Variants in ANKS1B observed in about 807,000 individuals in gnomAD.
ANKS1B encodes ankyrin repeat and sterile alpha motif domain-containing protein 1B.
A neutral mutation model predicts 148.3 loss-of-function variants in ANKS1B; 36 were observed. The observed-to-expected ratio is 0.24, with a 90% CI of 0.19 to 0.32. ANKS1B has a LOEUF of 0.32. Ranked by LOEUF, ANKS1B falls within the 10% of genes least tolerant of loss-of-function variation. The probability of loss-of-function intolerance (pLI) is 1.00; values close to 1 mark genes in which losing one functional copy is unlikely to be tolerated. For missense variants in ANKS1B, 1,157 were observed against 1,542.6 expected (o/e 0.75, Z 4.19); for synonymous variants, 542 against 560.8 (o/e 0.97, Z 0.47).
At position 98,751,316 on chromosome 12, in the gene ANKS1B, T is replaced by C. The variant is rs1436719329; in HGVS notation, c.3747+39A>G. 3 of 1,603,354 alleles carry C rather than the reference T, an allele frequency of 1.9e-6. No homozygotes were observed. Among genetic ancestry groups the C allele is most frequent in the Non-Finnish European group, 2.6e-6 (3 of 1,174,708 alleles). On this transcript the variant is annotated intron_variant, in intron 26 of 26. Transcript: ENST00000683438. The surrounding 1 kb of genome is among the most constrained non-coding windows in gnomAD (Gnocchi z 4.3). ...TGGTTAGCAGCCCCTTTTCCTCCTG[T>C]TCAAGGTTTTTTAGAACATCTGTAT...
intron 9 of ANKS1B, among the ~76,000 whole-genome samples, chr12:98,736,893 A>G (rs2097776317): frequency 6.6e-6 from 1 of 152,194 alleles, no homozygotes; most frequent in Admixed American, 6.5e-5. Context: ...CATGCCAAGC[A>G]CTGTTTTAAG....
intron 8 of ANKS1B, among the ~76,000 whole-genome samples, chr12:99,658,165 G>C (rs995968652): frequency 3.3e-5 from 5 of 152,098 alleles, no homozygotes; most frequent in Admixed American, 3.3e-4. Context: ...TAGTGGTTAA[G>C]GGCTTGGGCT....
chr12:99,083,869 C>T (rs868522718), intron 16 of ANKS1B: 10 of 152,138 alleles, frequency 6.6e-5, no homozygotes, highest in African/African-American at 1.7e-4. Context: ...CGAGATCAGA[C>T]GAGATCGGGC....
chr12:99,272,570 A>C (rs2077167348), intron 12 of ANKS1B, among the ~76,000 whole-genome samples: 1 of 152,230 alleles, frequency 6.6e-6, no homozygotes. Context: ...CACTGTACAC[A>C]GGTATCAAAA....
At chr12:99,154,839 T>C in intron 14 of ANKS1B, 2 of 1,525,782 alleles carry the variant, frequency 1.3e-6, no homozygotes, top group Non-Finnish European at 1.8e-6. Context: ...TGCTCCTTGC[T>C]CCCCCTCGCT....
chr12:99,022,958 A>G (rs2099946678), intron 17 of ANKS1B, among the ~76,000 whole-genome samples: 1 of 152,214 alleles, frequency 6.6e-6, no homozygotes, highest in Admixed American at 6.5e-5. Context: ...TCAGATGTTC[A>G]TAGGCTTGTA....
At position 99,389,105 on chromosome 12, in the gene ANKS1B, T is replaced by G. The variant is rs533982850; in HGVS notation, c.1756+10526A>C. ...CACAGCCTTCTTAGAATCCTGCCAA[T>G]GACAGATTTGAAGAGTTGAGGTCAC... is the stretch of plus-strand genomic sequence containing the variant. On this transcript the variant is annotated intron_variant, in intron 12 of 26. Coordinates refer to ENST00000683438, the MANE Select transcript of ANKS1B (RefSeq NM_001352186.2). 8.5e-5 allele frequency among the ~76,000 whole-genome samples: 13 copies of G among 152,314 alleles called. No homozygotes were observed. In the South Asian group the frequency reaches 2.7e-3, roughly 32 times the overall value.
rs568137128 is a variant in ANKS1B at position 99,940,997 on chromosome 12, T to C, written c.134+43107A>G. ...ATATTATGTACGTAATTATTGAATG[T>C]CTCTCTTCCTCAATAGATGTCAAGT... On this transcript the variant is annotated intron_variant, in intron 1 of 26. Transcript: ENST00000683438. 2.8e-4 allele frequency among the ~76,000 whole-genome samples: 42 copies of C among 152,290 alleles called. No individual in the cohort carries two copies. In the South Asian group the frequency reaches 6.2e-3, roughly 23 times the overall value.
At position 99,565,004 on chromosome 12, in the gene ANKS1B, T is replaced by A. The variant is rs140468702; in HGVS notation, c.1273-60363A>T. Among the ~76,000 whole-genome samples, 341 of 152,302 alleles carry A rather than the reference T, an allele frequency of 2.2e-3. 2 individuals carry two copies. Among genetic ancestry groups the A allele is most frequent in the African/African-American group, 7.8e-3 (323 of 41,570 alleles). On this transcript the variant is annotated intron_variant, in intron 9 of 26. Coordinates refer to ENST00000683438, the MANE Select transcript of ANKS1B (RefSeq NM_001352186.2). Reference sequence around the variant, plus strand: ...AGTTGTTCATTCTGGAAAAATATATTTGGATACCCAATCAAGTTTCCTTAG... The same window carrying A: ...AGTTGTTCATTCTGGAAAAATATATATGGATACCCAATCAAGTTTCCTTAG...
At chr12:98,953,580 T>C (rs1159950778) in intron 17 of ANKS1B, among the ~76,000 whole-genome samples, 1 of 124,802 alleles carries the variant, frequency 8.0e-6, no homozygotes, top group East Asian at 2.7e-4. Flanking sequence ...AAGGATTACC[T>C]CTTTCTCTAG....
In ANKS1B at chr12:99,326,026, G is replaced by A. The variant is rs117412997; in HGVS notation, c.1756+73605C>T. ...GCATGAAGGAGAAGTGCTGAGTGAA[G>A]TGTGAAAAGAGTCCATTATTAAACC... is the stretch of plus-strand genomic sequence containing the variant. On this transcript the variant is annotated intron_variant, in intron 12 of 26. Coordinates refer to ENST00000683438, the MANE Select transcript of ANKS1B (RefSeq NM_001352186.2). Among the ~76,000 whole-genome samples the A allele has an allele frequency of 7.5e-3, 1,145 of 152,108 alleles. 5 individuals carry two copies. Among genetic ancestry groups the A allele is most frequent in the Non-Finnish European group, 9.7e-3 (660 of 67,970 alleles).
intron 19 of ANKS1B, among the ~76,000 whole-genome samples, chr12:98,822,598 T>C (rs1266404445): frequency 6.6e-6 from 1 of 152,204 alleles, no homozygotes; most frequent in African/African-American, 2.4e-5. Context: ...AACAGAATAT[T>C]TTCTATTGAT....
intron 17 of ANKS1B, among the ~76,000 whole-genome samples, chr12:98,969,685 T>A (rs1482483223): frequency 6.6e-6 from 1 of 152,212 alleles, no homozygotes; most frequent in East Asian, 1.9e-4. Context: ...GTAAACCTTC[T>A]GGGGCTGTAA....
At chr12:99,522,462 T>C (rs1273690256) in intron 9 of ANKS1B, among the ~76,000 whole-genome samples, 7 of 152,208 alleles carry the variant, frequency 4.6e-5, no homozygotes, top group Non-Finnish European at 1.0e-4. Context: ...GAGAACATTA[T>C]GCCCCCCAAG....
chr12:99,708,245 C>T lies in ANKS1B; in HGVS notation c.1129-53035G>A, dbSNP rs73143681. Among the ~76,000 whole-genome samples, 1,213 of 152,250 alleles carry T rather than the reference C, an allele frequency of 8.0e-3. 10 individuals are homozygous for T. Among genetic ancestry groups the T allele is most frequent in the Non-Finnish European group, 0.013 (858 of 67,986 alleles). ...AGAATACATCAGTATGGAAGTCTCT[C>T]TTTAATGACCCGATGTCATGAATGA... On this transcript the variant is annotated intron_variant, in intron 8 of 26. Coordinates refer to ENST00000683438, the MANE Select transcript of ANKS1B (RefSeq NM_001352186.2).
intron 15 of ANKS1B, among the ~76,000 whole-genome samples, chr12:99,153,149 T>C (rs1397017783): frequency 6.6e-6 from 1 of 152,138 alleles, no homozygotes; most frequent in Non-Finnish European, 1.5e-5. Context: ...ATACATACTT[T>C]TGGAGAAGGA....
chr12:99,309,098 T>C (rs956812099), intron 12 of ANKS1B, among the ~76,000 whole-genome samples: 1 of 151,770 alleles, frequency 6.6e-6, no homozygotes, highest in Non-Finnish European at 1.5e-5. Flanking sequence ...AGGTTTTCTA[T>C]GGTTGCAACC....
chr12:99,065,641 A>T (rs201237027), intron 16 of ANKS1B, among the ~76,000 whole-genome samples: 2 of 29,586 alleles, frequency 6.8e-5, no homozygotes, highest in Non-Finnish European at 1.9e-4. Context: ...CATCCATCCC[A>T]TCCATCCATC....
intron 26 of ANKS1B, 95 bp from the exon 27 acceptor site, chr12:98,745,944 G>A: frequency 3.7e-6 from 5 of 1,350,640 alleles, no homozygotes; most frequent in East Asian, 2.6e-5. Flanking sequence ...GAGGCCCCTC[G>A]CCCCAGGCGC....
Sources: allele counts gnomAD v4.1 joint callset (sites outside exome capture counted in the v4.1 genomes callset), GRCh38; gene constraint gnomAD v4.1.1; non-coding constraint Gnocchi (gnomAD v3.1); transcripts MANE v1.5; gene names NCBI Gene and HGNC (gene_info 2026-07-23, HGNC 2026-07-21).